Variants in AK9 observed in about 807,000 individuals in gnomAD.
AK9 encodes the protein adenylate kinase domain containing 1.
Under a neutral mutation model 239.6 loss-of-function variants are expected in AK9, and 191 were observed. That is an observed-to-expected ratio of 0.80 (90% CI 0.71 to 0.90). The LOEUF (loss-of-function observed/expected upper bound fraction) is 0.90. Among genes scored for constraint, AK9 ranks in the 40% least tolerant of loss-of-function variants. The pLI is 0.00. For missense variants in AK9, 1,995 were observed against 2,214.7 expected, an observed-to-expected ratio of 0.90 and a Z score of 1.99; for synonymous variants, 689 against 721.0, an observed-to-expected ratio of 0.96 and a Z score of 0.71.
chr6:109,650,401 C>A, intron 8 of AK9, among the ~76,000 whole-genome samples: 1 of 151,864 alleles, frequency 6.6e-6, no homozygotes, highest in Non-Finnish European at 1.5e-5. Flanking sequence ...AAAAAAAACC[C>A]CATCAAAAAG....
At chr6:109,650,138 G>C (rs1419175877) in intron 8 of AK9, among the ~76,000 whole-genome samples, 2 of 152,092 alleles carry the variant, frequency 1.3e-5, no homozygotes, top group Non-Finnish European at 2.9e-5. Context: ...AAACCTAGAA[G>C]AAAACCTAGG....
intron 8 of AK9, among the ~76,000 whole-genome samples, chr6:109,655,419 C>A (rs541916293): frequency 6.6e-6 from 1 of 152,228 alleles, no homozygotes; most frequent in East Asian, 1.9e-4. Flanking sequence ...TTTCTATGAC[C>A]TTTTAATATA....
chr6:109,548,492 C>T (rs185909464), intron 25 of AK9, among the ~76,000 whole-genome samples: 397 of 152,162 alleles, frequency 2.6e-3, no homozygotes, highest in Non-Finnish European at 4.2e-3. Context: ...TCCAAATGGA[C>T]AATTTGTTTG....
In AK9 at chr6:109,506,938, C is replaced by T. The variant is rs1778178654; in HGVS notation, c.4482-138G>A. ...TGTAACTCAATTTATTTTCTTCACACTTTGCCCTCTTCATCTCTACATCTT... is the reference window on the plus strand; with the variant it reads ...TGTAACTCAATTTATTTTCTTCACATTTTGCCCTCTTCATCTCTACATCTT... On this transcript the variant is annotated intron_variant, in intron 33 of 40. Coordinates refer to ENST00000424296, the MANE Select transcript of AK9 (RefSeq NM_001145128.3). 3.8e-6 allele frequency: 5 copies of T among 1,320,302 alleles called. No individual in the cohort carries two copies. The East Asian group carries it at 7.8e-5, about 21-fold the overall frequency. The allele number at this position is 1,320,302 out of a possible 1,614,324, so 81.8% of individuals were successfully genotyped here.
In AK9 at chr6:109,656,837, T is replaced by C. The variant is rs986910392; in HGVS notation, c.678A>G (p.Leu226=). ...CCAAATAATCTTCAGGCCTCTGAAC[T>C]AGATGATGAAGAATTTCAGCCACCA... ...MQMVAEILHH[L]VQRPEDYLEN... Residue 226 remains leucine, a synonymous_variant, in exon 8 of 41, where the codon CTA becomes CTG. Transcript: ENST00000424296. The C allele has an allele frequency of 6.2e-7, 1 of 1,612,466 alleles. No individual in the cohort carries two copies. The highest frequency in any genetic ancestry group is 8.5e-7 in the Non-Finnish European group (1 of 1,178,806).
Position 109,674,273 on chromosome 6 carries a change from A to C in AK9, c.118-12T>G. The stretch of plus-strand genomic sequence containing the variant: ...GTTTTCCCAACACCCTTAAAAAGAA[A>C]AATGTTATTTAAAGCCCAATAGAAC... On this transcript the variant is annotated splice_polypyrimidine_tract_variant and intron_variant, in intron 2 of 40. Coordinates refer to ENST00000424296, the MANE Select transcript of AK9 (RefSeq NM_001145128.3). The C allele has an allele frequency of 6.5e-7, 1 of 1,540,466 alleles. No individual in the cohort carries two copies. The highest frequency in any genetic ancestry group is 8.8e-7 in the Non-Finnish European group (1 of 1,142,320).
At chr6:109,579,700 T>G in intron 19 of AK9, 74 bp from the exon 20 acceptor site, 1 of 1,232,092 alleles carries the variant, frequency 8.1e-7, no homozygotes, top group Non-Finnish European at 1.1e-6. Flanking sequence ...ATTAAATGCT[T>G]ATAGTGTTAA....
chr6:109,651,129 C>T (rs1412819016), intron 8 of AK9, among the ~76,000 whole-genome samples: 1 of 151,790 alleles, frequency 6.6e-6, no homozygotes, highest in Non-Finnish European at 1.5e-5. Context: ...ATACCTAATG[C>T]TAAGTGATGA....
chr6:109,513,847 T>C (rs574929396), intron 32 of AK9, among the ~76,000 whole-genome samples: 4 of 152,308 alleles, frequency 2.6e-5, no homozygotes, highest in African/African-American at 7.2e-5. Flanking sequence ...ATAAGGCTAT[T>C]GTTAAGGAAT....
chr6:109,602,716 A>G (rs537520621), intron 17 of AK9, among the ~76,000 whole-genome samples: 2 of 152,222 alleles, frequency 1.3e-5, no homozygotes, highest in East Asian at 3.9e-4. Flanking sequence ...CACCAATCAG[A>G]CGTAGATTTG....
At chr6:109,576,237 T>C (rs1416156093) in intron 20 of AK9, among the ~76,000 whole-genome samples, 1 of 151,956 alleles carries the variant, frequency 6.6e-6, no homozygotes, top group Admixed American at 6.6e-5. Flanking sequence ...GGGAATTGCA[T>C]TGGATTTGTA....
intron 25 of AK9, among the ~76,000 whole-genome samples, chr6:109,548,745 C>G (rs911007638): frequency 6.6e-6 from 1 of 152,178 alleles, no homozygotes; most frequent in African/African-American, 2.4e-5. Flanking sequence ...CCCAGATCAT[C>G]TGCTGACAAA....
intron 19 of AK9, among the ~76,000 whole-genome samples, chr6:109,580,755 T>A (rs1386980480): frequency 6.6e-6 from 1 of 152,166 alleles, no homozygotes; most frequent in African/African-American, 2.4e-5. Context: ...GTAATTCAAG[T>A]TCTCTTTGCT....
intron 17 of AK9, among the ~76,000 whole-genome samples, chr6:109,607,854 A>G (rs891342153): frequency 1.3e-5 from 2 of 151,856 alleles, no homozygotes; most frequent in Non-Finnish European, 1.5e-5. Context: ...AAAAGGACCT[A>G]TAATAGCTAA....
intron 21 of AK9, among the ~76,000 whole-genome samples, chr6:109,568,081 C>T (rs1347438227): frequency 1.1e-4 from 16 of 152,120 alleles, no homozygotes; most frequent in South Asian, 2.1e-4. Context: ...TTATCCACCA[C>T]GATCAAGTTG....
chr6:109,687,653 G>A (rs1773701830), intron 1 of AK9, among the ~76,000 whole-genome samples: 1 of 152,136 alleles, frequency 6.6e-6, no homozygotes, highest in Non-Finnish European at 1.5e-5. Context: ...AATCAGCTTG[G>A]GAGTGGATTC....
At chr6:109,672,037 G>A in intron 4 of AK9, 22 bp from the exon 5 acceptor site, 1 of 1,607,860 alleles carries the variant, frequency 6.2e-7, no homozygotes. Context: ...CATAGATATT[G>A]TACATTACTG....
chr6:109,598,399 G>A (rs572261271), intron 17 of AK9, among the ~76,000 whole-genome samples: 53 of 152,208 alleles, frequency 3.5e-4, no homozygotes, highest in Non-Finnish European at 7.2e-4. Context: ...TAAAGGACAC[G>A]AACTCATCAT....
intron 27 of AK9, among the ~76,000 whole-genome samples, chr6:109,538,655 T>C (rs1782376315): frequency 6.6e-6 from 1 of 152,004 alleles, no homozygotes. Context: ...ATTATGATAT[T>C]AGCTGGTTAT....
Sources: allele counts gnomAD v4.1 joint callset (sites outside exome capture counted in the v4.1 genomes callset), GRCh38; gene constraint gnomAD v4.1.1; transcripts MANE v1.5; gene names NCBI Gene and HGNC (gene_info 2026-07-23, HGNC 2026-07-21).